The following ERG variants were observed in gnomAD, a reference collection of about 807,000 sequenced individuals.
ERG encodes the protein ETS transcription factor ERG, also known as transcriptional regulator ERG.
In ERG, 9 loss-of-function variants were observed where a neutral mutation model predicts 55.3. The ratio of observed to expected loss-of-function variants is 0.16; its 90% confidence interval spans 0.10 to 0.28. The LOEUF is 0.28. Among genes scored for constraint, ERG ranks in the 10% least tolerant of loss-of-function variants. The pLI is 1.00. For synonymous variants in ERG, 223 were observed against 237.3 expected, an observed-to-expected ratio of 0.94 and a Z score of 0.55; for missense variants, 434 against 631.6, an observed-to-expected ratio of 0.69 and a Z score of 3.35.
chr21:38,546,459 T>C (rs2059788417), intron 2 of ERG, among the ~76,000 whole-genome samples: 1 of 152,198 alleles, frequency 6.6e-6, no homozygotes, highest in African/African-American at 2.4e-5. Flanking sequence ...ACACTTACTA[T>C]GCAATACGTT....
intron 1 of ERG, among the ~76,000 whole-genome samples, chr21:38,621,104 T>G (rs2060287562): frequency 6.6e-6 from 1 of 152,224 alleles, no homozygotes; most frequent in South Asian, 2.1e-4. Context: ...AGCCCAGGAA[T>G]GCAACTATCT....
At chr21:38,444,341 A>G (rs2058869258) in intron 2 of ERG, among the ~76,000 whole-genome samples, 2 of 152,022 alleles carry the variant, frequency 1.3e-5, no homozygotes, top group South Asian at 2.1e-4. Flanking sequence ...CATCCATCAA[A>G]TGGGGTCAAG....
At chr21:38,605,927 T>A (rs1185996612) in intron 1 of ERG, among the ~76,000 whole-genome samples, 1 of 152,058 alleles carries the variant, frequency 6.6e-6, no homozygotes, top group Non-Finnish European at 1.5e-5. Flanking sequence ...AGGAGATAGG[T>A]ACGTAGGTAA....
At chr21:38,493,494 A>AC (rs1254929776) in intron 1 of ERG, among the ~76,000 whole-genome samples, 2 of 152,178 alleles carry the variant, frequency 1.3e-5, no homozygotes, top group Non-Finnish European at 2.9e-5. Flanking sequence ...CTTTGTGATG[A>AC]CTTTTAAACG....
upstream of ERG, among the ~76,000 whole-genome samples, chr21:38,500,698 G>A (rs2059414468): frequency 6.6e-6 from 1 of 151,934 alleles, no homozygotes; most frequent in African/African-American, 2.4e-5. Context: ...TAAAAATATT[G>A]TTTTATAAGA....
chr21:38,413,380 A>G (rs1179997176), intron 3 of ERG, among the ~76,000 whole-genome samples: 1 of 152,008 alleles, frequency 6.6e-6, no homozygotes, highest in Non-Finnish European at 1.5e-5. Flanking sequence ...CTTTTTACCT[A>G]TTTACTTTGA....
chr21:38,462,652 T>C (rs926832474), intron 1 of ERG, among the ~76,000 whole-genome samples: 2 of 152,224 alleles, frequency 1.3e-5, no homozygotes, highest in Non-Finnish European at 2.9e-5. Context: ...CTTCCAAGAC[T>C]GCACATGGTG....
intron 1 of ERG, among the ~76,000 whole-genome samples, chr21:38,607,113 C>T (rs146452342): frequency 2.0e-5 from 3 of 152,158 alleles, no homozygotes; most frequent in Admixed American, 6.5e-5. Flanking sequence ...CAACAACAGA[C>T]GCCAGAAGGG....
At chr21:38,368,549 C>G in the ERG span, among the ~76,000 whole-genome samples, 3 of 151,984 alleles carry the variant, frequency 2.0e-5, no homozygotes, top group East Asian at 5.8e-4. Context: ...AACTCCAACA[C>G]TGGGGATTAC....
intron 1 of ERG, among the ~76,000 whole-genome samples, chr21:38,492,168 T>C (rs536795902): frequency 2.0e-4 from 31 of 152,330 alleles, no homozygotes; most frequent in African/African-American, 7.5e-4. Context: ...GTGTGACTTG[T>C]ATAAGATACT....
At chr21:38,571,981 T>A (rs970148137) in intron 2 of ERG, among the ~76,000 whole-genome samples, 2 of 152,204 alleles carry the variant, frequency 1.3e-5, no homozygotes, top group African/African-American at 2.4e-5. Context: ...ACAAAAACAT[T>A]TTAGTAGCAA....
intron 2 of ERG, among the ~76,000 whole-genome samples, chr21:38,424,547 T>C (rs1989729530): frequency 6.6e-6 from 1 of 152,102 alleles, no homozygotes; most frequent in Non-Finnish European, 1.5e-5. Context: ...TTGGGGACAC[T>C]TGCAGGGAAC....
At chr21:38,615,728 T>TGC (rs1158473427) in intron 1 of ERG, among the ~76,000 whole-genome samples, 67 of 151,506 alleles carry the variant, frequency 4.4e-4, no homozygotes, top group Non-Finnish European at 1.3e-4. Flanking sequence ...CAAAAGGGTT[T>TGC]TTGAAAAATC....
rs748226651 is a variant in ERG at position 38,445,426 on chromosome 21, G to C, written c.214C>G (p.Pro72Ala). Reference protein sequence around the residue: ...ARVTIKMECNPSQVNGSRNSP... With the variant: ...ARVTIKMECNASQVNGSRNSP... ...TACCTTGAGCCATTCACCTGGCTAG[G>C]GTTACATTCCATTTTGATGGTGACC... The change falls in exon 2 of 10, where the codon CCT becomes GCT. Residue 72 changes from proline (P) to alanine (A), a missense_variant. Transcript: ENST00000288319. 2.5e-6 allele frequency: 4 copies of C among 1,614,080 alleles called. No homozygotes were observed. The highest frequency in any genetic ancestry group is 1.1e-5 in the South Asian group (1 of 91,078).
At chr21:38,554,872 T>C (rs1233044040) in intron 2 of ERG, among the ~76,000 whole-genome samples, 1 of 151,796 alleles carries the variant, frequency 6.6e-6, no homozygotes, top group African/African-American at 2.4e-5. Context: ...TCTCACATTA[T>C]ACATCTAAAA....
chr21:38,493,945 G>C (rs1277170078), intron 1 of ERG, among the ~76,000 whole-genome samples: 1 of 152,216 alleles, frequency 6.6e-6, no homozygotes, highest in Non-Finnish European at 1.5e-5. Flanking sequence ...TGAGTGCAGA[G>C]CCTGAAAGAC....
At position 38,403,560 on chromosome 21, in the gene ERG, T is replaced by C. The variant is rs568944041; in HGVS notation, c.538A>G (p.Thr180Ala). Residue 180 changes from threonine (T) to alanine (A), a missense_variant, in exon 4 of 10, where the codon ACC (threonine) becomes GCC (alanine). This residue lies in a region of ERG where 212 missense variants were observed against 262.9 expected (regional missense o/e 0.81). Coordinates refer to ENST00000288319, the MANE Select transcript of ERG (RefSeq NM_182918.4). Reference protein sequence around the residue: ...KMTKDDFQRLTPSYNADILLS... With the variant: ...KMTKDDFQRLAPSYNADILLS... ...AGGATGTCGGCGTTGTAGCTGGGGG[T>C]GAGCCTCTGGAAGTCGTCCTTGGTC... is the stretch of plus-strand genomic sequence containing the variant. 3.7e-6 allele frequency: 6 copies of C among 1,614,064 alleles called. No individual in the cohort carries two copies. In the South Asian group the frequency reaches 5.5e-5, roughly 15 times the overall value.
At chr21:38,481,954 T>A (rs1471832037) in intron 1 of ERG, among the ~76,000 whole-genome samples, 1 of 152,244 alleles carries the variant, frequency 6.6e-6, no homozygotes, top group Non-Finnish European at 1.5e-5. Context: ...AATGACCCAA[T>A]GCAAATCCTG....
At chr21:38,628,310 T>A (rs744090) in intron 1 of ERG, among the ~76,000 whole-genome samples, 3,118 of 152,250 alleles carry the variant, frequency 0.02, 109 homozygotes, top group African/African-American at 0.07. Flanking sequence ...GAATGCTGCC[T>A]ATGTCATTAG....
Sources: gnomAD v4.1 joint callset for allele counts (sites outside exome capture counted in the v4.1 genomes callset) on GRCh38, gnomAD v4.1.1 for gene constraint, gnomAD v4.1.1 regional missense constraint, MANE v1.5 for transcripts, NCBI Gene and HGNC (gene_info 2026-07-23, HGNC 2026-07-21) for gene names.